ANK3: variants seen among roughly 807,000 people sequenced by gnomAD.
ANK3 encodes the protein ankyrin 3.
A neutral mutation model predicts 370.9 loss-of-function variants in ANK3; 57 were observed. The observed-to-expected ratio is 0.15, with a 90% CI of 0.12 to 0.19. ANK3 has a LOEUF of 0.19. Ranked by LOEUF, ANK3 falls within the 10% of genes least tolerant of loss-of-function variation. ANK3 has a pLI of 1.00. For missense variants in ANK3, 4,439 were observed against 5,302.1 expected, an observed-to-expected ratio of 0.84 and a Z score of 5.06; for synonymous variants, 1,929 against 1,946.3, an observed-to-expected ratio of 0.99 and a Z score of 0.23.
At chr10:60,223,310 G>A (rs879667463) in intron 8 of ANK3, among the ~76,000 whole-genome samples, 3 of 152,108 alleles carry the variant, frequency 2.0e-5, no homozygotes, top group Admixed American at 2.0e-4. Flanking sequence ...CCTACTCCTT[G>A]GCTATAAATT....
At chr10:60,574,449 C>T (rs2077657676) in intron 2 of ANK3, among the ~76,000 whole-genome samples, 1 of 152,208 alleles carries the variant, frequency 6.6e-6, no homozygotes, top group South Asian at 2.1e-4. Context: ...TCATGTTCTA[C>T]ATTTCTGCTC....
chr10:60,362,151 A>G (rs796430639), intron 1 of ANK3, among the ~76,000 whole-genome samples: 8 of 152,276 alleles, frequency 5.3e-5, no homozygotes, highest in Admixed American at 2.0e-4. Context: ...TAATGATTCA[A>G]TAGTGTTCCA....
intron 7 of ANK3, among the ~76,000 whole-genome samples, chr10:60,240,289 T>TACACACAC (rs1338211483): frequency 2.0e-5 from 2 of 101,558 alleles, no homozygotes; most frequent in African/African-American, 6.7e-5. Context: ...CACATATATA[T>TACACACAC]ATATATATAT....
At chr10:60,269,317 C>T (rs1039859697) in intron 5 of ANK3, among the ~76,000 whole-genome samples, 21 of 151,906 alleles carry the variant, frequency 1.4e-4, no homozygotes, top group Non-Finnish European at 2.7e-4. Flanking sequence ...GATTTTTTTT[C>T]TTCAAATACC....
chr10:60,356,925 T>C (rs567798586), intron 1 of ANK3, among the ~76,000 whole-genome samples: 157 of 152,314 alleles, frequency 1.0e-3, no homozygotes, highest in African/African-American at 3.7e-3. Flanking sequence ...GCCAGGCTGG[T>C]CTTGAACTCC....
intron 1 of ANK3, among the ~76,000 whole-genome samples, chr10:60,629,142 G>C (rs2078449398): frequency 6.6e-6 from 1 of 151,876 alleles, no homozygotes; most frequent in Non-Finnish European, 1.5e-5. Context: ...CTTCTAACAT[G>C]TACCTGAGCT....
intron 18 of ANK3, among the ~76,000 whole-genome samples, chr10:60,179,360 C>T (rs904264082): frequency 1.3e-5 from 2 of 152,144 alleles, no homozygotes; most frequent in East Asian, 1.9e-4. Flanking sequence ...TTGTAAAGGG[C>T]AGGAAAGGTT....
intron 1 of ANK3, among the ~76,000 whole-genome samples, chr10:60,627,606 A>T (rs986578669): frequency 1.3e-5 from 2 of 152,094 alleles, no homozygotes; most frequent in Non-Finnish European, 1.5e-5. Context: ...TCTGAAAAAC[A>T]TGAAAGAAGC....
intron 8 of ANK3, among the ~76,000 whole-genome samples, chr10:60,215,115 A>T (rs922879506): frequency 6.6e-6 from 1 of 152,070 alleles, no homozygotes; most frequent in Non-Finnish European, 1.5e-5. Flanking sequence ...ATGATCACTG[A>T]TGTTGAACTT....
At chr10:60,273,254 T>C (rs1054120252) in intron 4 of ANK3, among the ~76,000 whole-genome samples, 1 of 152,226 alleles carries the variant, frequency 6.6e-6, no homozygotes, top group Non-Finnish European at 1.5e-5. Context: ...TTTGAGTGCT[T>C]GCCATCCTAA....
chr10:60,061,658 A>T (rs1321352698), intron 40 of ANK3, among the ~76,000 whole-genome samples: 1 of 152,168 alleles, frequency 6.6e-6, no homozygotes, highest in Non-Finnish European at 1.5e-5. Flanking sequence ...ATAAACTTAA[A>T]AAGAACCGCT....
intron 41 of ANK3, among the ~76,000 whole-genome samples, chr10:60,058,005 A>C (rs1005589356): frequency 9.9e-5 from 15 of 152,218 alleles, no homozygotes; most frequent in Non-Finnish European, 2.9e-5. Context: ...GTTATGAAAT[A>C]AGTTCTCTTG....
intron 25 of ANK3, 52 bp downstream of exon 25, chr10:60,134,219 T>C: frequency 7.1e-7 from 1 of 1,399,604 alleles, no homozygotes; most frequent in South Asian, 1.2e-5. Flanking sequence ...CTTGATTAAA[T>C]CATACAAATG....
intron 1 of ANK3, among the ~76,000 whole-genome samples, chr10:60,714,756 G>A (rs1316923728): frequency 1.3e-5 from 2 of 152,158 alleles, no homozygotes; most frequent in Admixed American, 6.5e-5. Flanking sequence ...TACTCAAGAA[G>A]CTAAGGCCAA....
intron 1 of ANK3, among the ~76,000 whole-genome samples, chr10:60,700,070 C>A (rs1411550930): frequency 6.6e-6 from 1 of 152,124 alleles, no homozygotes; most frequent in Non-Finnish European, 1.5e-5. Flanking sequence ...CTTTCCCATA[C>A]CCACTCCTCT....
At chr10:60,253,505 T>G (rs916589161) in intron 7 of ANK3, among the ~76,000 whole-genome samples, 1 of 152,178 alleles carries the variant, frequency 6.6e-6, no homozygotes, top group African/African-American at 2.4e-5. Flanking sequence ...ATGTAAGAGA[T>G]TCTCCTTTGA....
At chr10:60,121,413 C>G (rs563268315) in intron 25 of ANK3, among the ~76,000 whole-genome samples, 5 of 148,430 alleles carry the variant, frequency 3.4e-5, no homozygotes, top group African/African-American at 1.2e-4. Context: ...TGAATAAAGG[C>G]AGGGTGCATG....
rs116721835 is a variant in ANK3 at position 60,170,513 on chromosome 10, C to T, written c.2478+1795G>A. Among the ~76,000 whole-genome samples the T allele has an allele frequency of 6.9e-4, 105 of 152,260 alleles. 1 individual carries two copies. Among genetic ancestry groups the T allele is most frequent in the African/African-American group, 2.4e-3 (100 of 41,542 alleles). On this transcript the variant is annotated intron_variant, in intron 21 of 43. Transcript: ENST00000280772. ...ATGTACCAAATACCACAATGCTGGG[C>T]GAAGTTTTAGAGACTTCTCTGGACT...
intron 29 of ANK3, 50 bp from the exon 30 acceptor site, chr10:60,086,934 TTC>T (rs1491083055): frequency 7.7e-7 from 1 of 1,302,292 alleles, no homozygotes; most frequent in Non-Finnish European, 1.0e-6. Flanking sequence ...TTTTTTTTTT[TTC>T]CCAATCATGA....
Sources: allele counts gnomAD v4.1 joint callset (sites outside exome capture counted in the v4.1 genomes callset), GRCh38; gene constraint gnomAD v4.1.1; transcripts MANE v1.5; gene names NCBI Gene and HGNC (gene_info 2026-07-23, HGNC 2026-07-21).